The following SEM1 variants were observed in gnomAD, a reference collection of about 807,000 sequenced individuals.
SEM1 encodes the protein SEM1 26S proteasome subunit.
In SEM1, 3 loss-of-function variants were observed where a neutral mutation model predicts 12.7. The observed-to-expected ratio is 0.24, with a 90% confidence interval of 0.11 to 0.61. The LOEUF (loss-of-function observed/expected upper bound fraction) is 0.61. SEM1 is among the 20% of genes least tolerant of loss of function. SEM1 has a pLI of 0.88. For synonymous variants in SEM1, 30 were observed against 27.8 expected (o/e 1.08, Z -0.25); for missense variants, 59 against 81.3 (o/e 0.73, Z 1.06).
At chr7:96,492,000 G>C (rs1311809030) in intron 1 of SEM1, among the ~76,000 whole-genome samples, 1 of 151,960 alleles carries the variant, frequency 6.6e-6, no homozygotes, top group African/African-American at 2.4e-5. Context: ...CTTGTTTCTT[G>C]GAAGCACTTC....
chr7:96,505,835 TG>T (rs1803739100), intron 3 of SEM1, among the ~76,000 whole-genome samples: 2 of 152,094 alleles, frequency 1.3e-5, no homozygotes, highest in Non-Finnish European at 2.9e-5. Flanking sequence ...ACCATCACCT[TG>T]GGAATTAGGA....
intron 2 of SEM1, among the ~76,000 whole-genome samples, chr7:96,551,333 AT>A (rs1805263348): frequency 6.6e-6 from 1 of 152,164 alleles, no homozygotes; most frequent in South Asian, 2.1e-4. Context: ...TGCAGATATA[AT>A]TAAGGTTCTC....
intron 2 of SEM1, among the ~76,000 whole-genome samples, chr7:96,530,637 T>G (rs1804610604): frequency 6.6e-6 from 1 of 152,102 alleles, no homozygotes; most frequent in African/African-American, 2.4e-5. Context: ...TCATTCCCAG[T>G]GATTCCATTT....
At chr7:96,695,619 T>C (rs1790070918) in intron 1 of SEM1, 2 of 151,614 alleles carry the variant, frequency 1.3e-5, no homozygotes, top group South Asian at 4.1e-4. Context: ...TTTTAAGGAG[T>C]CTTTATAAAG....
chr7:96,656,109 A>G (rs1238853275), intron 2 of SEM1, among the ~76,000 whole-genome samples: 3 of 152,202 alleles, frequency 2.0e-5, no homozygotes, highest in Non-Finnish European at 4.4e-5. Flanking sequence ...TGCCCTGGGC[A>G]GGAGGAATGT....
intron 1 of SEM1, chr7:96,696,446 C>G (rs1042489506): frequency 6.6e-6 from 1 of 151,934 alleles, no homozygotes; most frequent in Admixed American, 6.6e-5. Context: ...ACTTTGTAGC[C>G]TTAATACCAT....
chr7:96,536,682 T>A (rs964177188), intron 2 of SEM1, among the ~76,000 whole-genome samples: 5 of 151,860 alleles, frequency 3.3e-5, no homozygotes, highest in Non-Finnish European at 7.4e-5. Context: ...TCTTTGTCCC[T>A]CATGATCTTC....
At chr7:96,690,880 C>G (rs1037495997) in intron 2 of SEM1, among the ~76,000 whole-genome samples, 1 of 152,132 alleles carries the variant, frequency 6.6e-6, no homozygotes, top group African/African-American at 2.4e-5. Flanking sequence ...ATGCCATTGT[C>G]CTGCCTCAGC....
At chr7:96,551,402 T>C (rs1486031467) in intron 2 of SEM1, among the ~76,000 whole-genome samples, 1 of 152,118 alleles carries the variant, frequency 6.6e-6, no homozygotes, top group African/African-American at 2.4e-5. Flanking sequence ...TAAGTGTCTT[T>C]ATAAGAAGAC....
intron 1 of SEM1, among the ~76,000 whole-genome samples, chr7:96,491,939 A>G (rs888146481): frequency 6.6e-6 from 1 of 152,222 alleles, no homozygotes; most frequent in Non-Finnish European, 1.5e-5. Context: ...AAAGAGGCAT[A>G]CAGCTAGTAA....
intron 2 of SEM1, among the ~76,000 whole-genome samples, chr7:96,575,079 G>GA (rs1020257497): frequency 1.3e-5 from 2 of 152,144 alleles, no homozygotes; most frequent in Non-Finnish European, 2.9e-5. Flanking sequence ...TTTTGCACTG[G>GA]TTTTTCCTCA....
intron 2 of SEM1, among the ~76,000 whole-genome samples, chr7:96,662,449 C>T (rs1789034742): frequency 6.6e-6 from 1 of 152,154 alleles, no homozygotes; most frequent in Admixed American, 6.5e-5. Context: ...TGCTCTCACT[C>T]ATAAGTGGGA....
upstream of SEM1, among the ~76,000 whole-genome samples, chr7:96,499,750 G>A (rs922860403): frequency 1.3e-5 from 2 of 152,152 alleles, no homozygotes; most frequent in Admixed American, 6.6e-5. Context: ...ACATTTGATC[G>A]GATTGTGGCA....
chr7:96,519,331 AT>A (rs1262030192), intron 2 of SEM1, among the ~76,000 whole-genome samples: 4 of 152,160 alleles, frequency 2.6e-5, no homozygotes, highest in African/African-American at 9.6e-5. Context: ...TCAGTGAACA[AT>A]AAAAACCCAA....
chr7:96,654,336 C>T (rs780350565), intron 2 of SEM1, among the ~76,000 whole-genome samples: 5 of 152,142 alleles, frequency 3.3e-5, no homozygotes, highest in Non-Finnish European at 7.3e-5. Flanking sequence ...AAGTGTCATC[C>T]CTCTCCTAGT....
intron 2 of SEM1, chr7:96,649,605 T>G (rs1808904670): frequency 6.6e-6 from 1 of 152,176 alleles, no homozygotes; most frequent in African/African-American, 2.4e-5. Flanking sequence ...CTTCCAACAA[T>G]ATATGAAGTC....
At chr7:96,535,012 C>G (rs969727039) in intron 2 of SEM1, among the ~76,000 whole-genome samples, 1 of 151,718 alleles carries the variant, frequency 6.6e-6, no homozygotes, top group Non-Finnish European at 1.5e-5. Context: ...GTCCTAAGAC[C>G]AAAAACTTGA....
chr7:96,551,574 G>A (rs1416144430), intron 2 of SEM1, among the ~76,000 whole-genome samples: 1 of 151,812 alleles, frequency 6.6e-6, no homozygotes, highest in Non-Finnish European at 1.5e-5. Context: ...GCATGGTGGT[G>A]TGCACCTGGA....
intron 2 of SEM1, among the ~76,000 whole-genome samples, chr7:96,635,806 C>T (rs1402620930): frequency 6.6e-6 from 1 of 151,956 alleles, no homozygotes; most frequent in Non-Finnish European, 1.5e-5. Context: ...AAAAAAATTA[C>T]TTCAATTTGC....
Sources: gnomAD v4.1 joint callset for allele counts (sites outside exome capture counted in the v4.1 genomes callset) on GRCh38, gnomAD v4.1.1 for gene constraint, MANE v1.5 for transcripts, NCBI Gene and HGNC (gene_info 2026-07-23, HGNC 2026-07-21) for gene names.